CCSER1: variants seen among roughly 807,000 people sequenced by gnomAD.
CCSER1 encodes the protein coiled-coil serine rich protein 1.
A neutral mutation model predicts 82.0 loss-of-function variants in CCSER1; 41 were observed. The observed-to-expected ratio is 0.50, with a 90% CI of 0.39 to 0.65. The LOEUF (loss-of-function observed/expected upper bound fraction) is 0.65, where lower values mean the gene tolerates loss of function less well. CCSER1 is among the 30% of genes least tolerant of loss of function. The pLI is 0.00. For synonymous variants in CCSER1, 414 were observed against 383.9 expected, an observed-to-expected ratio of 1.08 and a Z score of -0.92; for missense variants, 1,119 against 1,064.2, an observed-to-expected ratio of 1.05 and a Z score of -0.72.
intron 8 of CCSER1, among the ~76,000 whole-genome samples, chr4:90,824,730 A>G (rs1760188778): frequency 6.6e-6 from 1 of 152,166 alleles, no homozygotes; most frequent in African/African-American, 2.4e-5. Flanking sequence ...AGAATAGAAT[A>G]TTACAGCTCC....
intron 10 of CCSER1, among the ~76,000 whole-genome samples, chr4:91,138,334 GA>G (rs1219106780): frequency 5.3e-5 from 2 of 37,696 alleles, no homozygotes; most frequent in East Asian, 7.2e-4. Context: ...AAGCAATGGG[GA>G]AAGGATTCCC....
chr4:91,441,660 A>T (rs1395979140), intron 10 of CCSER1, among the ~76,000 whole-genome samples: 1 of 152,182 alleles, frequency 6.6e-6, no homozygotes, highest in East Asian at 1.9e-4. Flanking sequence ...GTATTCAATT[A>T]GGAAAAGAGG....
intron 6 of CCSER1, among the ~76,000 whole-genome samples, chr4:90,641,312 A>G (rs1027439483): frequency 1.3e-5 from 2 of 152,146 alleles, no homozygotes; most frequent in African/African-American, 4.8e-5. Context: ...ACCATAAGAA[A>G]AAAGATTTAA....
chr4:91,172,239 CAAAAT>C (rs1732839424), intron 10 of CCSER1, among the ~76,000 whole-genome samples: 2 of 151,880 alleles, frequency 1.3e-5, no homozygotes, highest in African/African-American at 2.4e-5. Context: ...CTTAAAGTGT[CAAAAT>C]AAACTGGAAG....
chr4:90,292,724 T>C (rs1353050400), intron 1 of CCSER1, among the ~76,000 whole-genome samples: 3 of 151,918 alleles, frequency 2.0e-5, no homozygotes, highest in African/African-American at 7.2e-5. Context: ...TTTTTTTTCC[T>C]TTCACCAGAC....
chr4:91,193,084 G>T (rs931098311), intron 10 of CCSER1, among the ~76,000 whole-genome samples: 1 of 151,932 alleles, frequency 6.6e-6, no homozygotes, highest in East Asian at 1.9e-4. Flanking sequence ...ATGAATATTT[G>T]TGTCTTTTTT....
At chr4:90,251,449 T>C (rs1722367034) in intron 1 of CCSER1, among the ~76,000 whole-genome samples, 1 of 151,878 alleles carries the variant, frequency 6.6e-6, no homozygotes, top group African/African-American at 2.4e-5. Flanking sequence ...TGTTGGAATT[T>C]GTCCCATGCT....
intron 3 of CCSER1, among the ~76,000 whole-genome samples, chr4:90,326,299 A>G (rs1428269829): frequency 6.6e-6 from 1 of 151,966 alleles, no homozygotes; most frequent in Non-Finnish European, 1.5e-5. Flanking sequence ...TGACCTCGTG[A>G]TCCTCCTGCC....
At chr4:90,858,318 A>G (rs1358838141) in intron 8 of CCSER1, among the ~76,000 whole-genome samples, 3 of 152,080 alleles carry the variant, frequency 2.0e-5, no homozygotes, top group Admixed American at 6.6e-5. Flanking sequence ...ATTTCATCAC[A>G]AATCGCTTAA....
chr4:90,633,247 A>T (rs1724774588), intron 6 of CCSER1, among the ~76,000 whole-genome samples: 1 of 152,106 alleles, frequency 6.6e-6, no homozygotes, highest in Non-Finnish European at 1.5e-5. Flanking sequence ...GTTGGCAGAA[A>T]ACAAATGATA....
At chr4:91,173,081 G>T (rs1732936034) in intron 10 of CCSER1, among the ~76,000 whole-genome samples, 1 of 152,072 alleles carries the variant, frequency 6.6e-6, no homozygotes, top group African/African-American at 2.4e-5. Context: ...TGGCCCTGTT[G>T]ATCATCAAGA....
intron 10 of CCSER1, among the ~76,000 whole-genome samples, chr4:91,432,298 T>A (rs901293728): frequency 2.6e-5 from 4 of 152,196 alleles, no homozygotes; most frequent in African/African-American, 9.6e-5. Flanking sequence ...ACTACTACAA[T>A]AATTAATTTA....
At chr4:90,539,052 A>G (rs1300670585) in intron 5 of CCSER1, among the ~76,000 whole-genome samples, 1 of 152,096 alleles carries the variant, frequency 6.6e-6, no homozygotes, top group Non-Finnish European at 1.5e-5. Flanking sequence ...TATAATTTCT[A>G]TCATAACTTT....
At chr4:90,993,387 C>A (rs1182796835) in intron 9 of CCSER1, among the ~76,000 whole-genome samples, 1 of 151,918 alleles carries the variant, frequency 6.6e-6, no homozygotes, top group African/African-American at 2.4e-5. Context: ...ATTTAATTTG[C>A]AGCTATAATG....
intron 5 of CCSER1, among the ~76,000 whole-genome samples, chr4:90,589,602 A>G (rs554375521): frequency 6.6e-6 from 1 of 152,240 alleles, no homozygotes; most frequent in South Asian, 2.1e-4. Flanking sequence ...GTAATATGAC[A>G]AAGATCTATT....
intron 10 of CCSER1, among the ~76,000 whole-genome samples, chr4:91,323,025 A>C (rs1232263832): frequency 6.6e-6 from 1 of 152,182 alleles, no homozygotes; most frequent in Admixed American, 6.6e-5. Flanking sequence ...AGGAAAGCCC[A>C]AAATTTAGTT....
chr4:91,339,674 T>C (rs759525507), intron 10 of CCSER1, among the ~76,000 whole-genome samples: 1 of 152,202 alleles, frequency 6.6e-6, no homozygotes, highest in Non-Finnish European at 1.5e-5. Context: ...ATACTCATGA[T>C]GTACTTTTGG....
At chr4:90,686,680 C>A (rs564457593) in intron 6 of CCSER1, among the ~76,000 whole-genome samples, 2 of 152,148 alleles carry the variant, frequency 1.3e-5, no homozygotes, top group Admixed American at 1.3e-4. Context: ...GCCAAAACAC[C>A]AATGTTCTGA....
At chr4:91,353,417 G>A (rs577001165) in intron 10 of CCSER1, among the ~76,000 whole-genome samples, 27 of 152,276 alleles carry the variant, frequency 1.8e-4, no homozygotes, top group African/African-American at 4.8e-4. Flanking sequence ...GAATAACGTC[G>A]GTTTCTAAGT....
Sources: allele counts gnomAD v4.1 joint callset (sites outside exome capture counted in the v4.1 genomes callset), GRCh38; gene constraint gnomAD v4.1.1; transcripts MANE v1.5; gene names NCBI Gene and HGNC (gene_info 2026-07-23, HGNC 2026-07-21).